Variants in CNTN4 observed in about 807,000 individuals in gnomAD.
The protein encoded by CNTN4 is contactin 4.
In CNTN4, 77 loss-of-function variants were observed where a neutral mutation model predicts 122.5. The ratio of observed to expected loss-of-function variants is 0.63; its 90% CI spans 0.52 to 0.76. The LOEUF (loss-of-function observed/expected upper bound fraction) is 0.76, where lower values mean the gene tolerates loss of function less well. Among genes scored for constraint, CNTN4 ranks in the 30% least tolerant of loss-of-function variants. The pLI is 0.00. For missense variants in CNTN4, 1,256 were observed against 1,259.1 expected (o/e 1.00, Z 0.04); for synonymous variants, 512 against 447.0 (o/e 1.15, Z -1.83).
At chr3:2,224,836 G>A (rs1178484) in intron 2 of CNTN4, among the ~76,000 whole-genome samples, 25,113 of 152,098 alleles carry the variant, frequency 0.17, 2,715 homozygotes, top group African/African-American at 0.31. Context: ...ATACTCAAGA[G>A]CCATAAAATG....
chr3:2,190,120 G>A (rs764336970), intron 2 of CNTN4, among the ~76,000 whole-genome samples: 13 of 152,162 alleles, frequency 8.5e-5, no homozygotes, highest in Admixed American at 6.5e-5. Flanking sequence ...ATGTGTGAGC[G>A]TTGGCAAGAA....
chr3:2,548,743 T>C (rs1459229222), intron 3 of CNTN4, among the ~76,000 whole-genome samples: 1 of 152,178 alleles, frequency 6.6e-6, no homozygotes, highest in Non-Finnish European at 1.5e-5. Context: ...GGGGATAGCA[T>C]TGAGTCTATA....
At chr3:2,256,006 G>C (rs536714146) in intron 2 of CNTN4, among the ~76,000 whole-genome samples, 14 of 152,176 alleles carry the variant, frequency 9.2e-5, no homozygotes, top group African/African-American at 3.1e-4. Context: ...CCAGGAGCTG[G>C]TTTTTTGAAA....
intron 13 of CNTN4, among the ~76,000 whole-genome samples, chr3:2,953,766 A>G (rs1258493283): frequency 6.6e-6 from 1 of 152,200 alleles, no homozygotes; most frequent in East Asian, 1.9e-4. Context: ...AGGAGAGGAA[A>G]GCAGTGAAGC....
At chr3:2,909,207 A>C (rs2094272057) in intron 12 of CNTN4, among the ~76,000 whole-genome samples, 1 of 152,188 alleles carries the variant, frequency 6.6e-6, no homozygotes, top group East Asian at 1.9e-4. Context: ...ACCCAACTGC[A>C]GTCATCCAGG....
intron 13 of CNTN4, among the ~76,000 whole-genome samples, chr3:2,944,748 A>G (rs1264240996): frequency 2.0e-5 from 3 of 152,172 alleles, no homozygotes; most frequent in South Asian, 2.1e-4. Flanking sequence ...ACTGCCTTAG[A>G]TTGCGTGTCC....
chr3:2,852,309 A>G (rs945718161), intron 7 of CNTN4, among the ~76,000 whole-genome samples: 3 of 152,196 alleles, frequency 2.0e-5, no homozygotes, highest in Non-Finnish European at 4.4e-5. Context: ...AGTAACATAA[A>G]TGGAAATAAC....
chr3:2,475,403 C>T (rs1025903128), intron 3 of CNTN4, among the ~76,000 whole-genome samples: 2 of 152,176 alleles, frequency 1.3e-5, no homozygotes, highest in Non-Finnish European at 2.9e-5. Flanking sequence ...ACATTAGTGT[C>T]ACATCACTCT....
At chr3:2,396,104 A>G (rs534135251) in intron 3 of CNTN4, among the ~76,000 whole-genome samples, 8 of 151,704 alleles carry the variant, frequency 5.3e-5, no homozygotes, top group African/African-American at 1.2e-4. Flanking sequence ...GGCTCACTGC[A>G]GCCTTGACTT....
intron 6 of CNTN4, among the ~76,000 whole-genome samples, chr3:2,797,064 G>A (rs540144683): frequency 9.7e-4 from 147 of 152,266 alleles, no homozygotes; most frequent in Non-Finnish European, 1.9e-3. Flanking sequence ...GCAGGGGCAT[G>A]ATCAAAGCTC....
At chr3:2,443,676 C>T (rs2048517561) in intron 3 of CNTN4, among the ~76,000 whole-genome samples, 1 of 152,118 alleles carries the variant, frequency 6.6e-6, no homozygotes, top group Admixed American at 6.6e-5. Flanking sequence ...TCGACTTACC[C>T]AACACACTGA....
chr3:2,429,016 G>A (rs975717826), intron 3 of CNTN4, among the ~76,000 whole-genome samples: 12 of 152,172 alleles, frequency 7.9e-5, no homozygotes, highest in South Asian at 2.1e-4. Flanking sequence ...TGATGGGTTC[G>A]GACATCCTTC....
At chr3:2,569,714 C>T (rs1013034327) in intron 3 of CNTN4, among the ~76,000 whole-genome samples, 2 of 151,884 alleles carry the variant, frequency 1.3e-5, no homozygotes, top group African/African-American at 4.8e-5. Context: ...ATAACAAGTT[C>T]CTGCCAGAGT....
chr3:2,284,947 G>T (rs2041849358), intron 2 of CNTN4, among the ~76,000 whole-genome samples: 1 of 151,740 alleles, frequency 6.6e-6, no homozygotes, highest in Non-Finnish European at 1.5e-5. Flanking sequence ...TTCATCAGTT[G>T]TTATCTTAGG....
At chr3:2,807,089 C>G (rs547355409) in intron 6 of CNTN4, among the ~76,000 whole-genome samples, 1 of 152,218 alleles carries the variant, frequency 6.6e-6, no homozygotes, top group African/African-American at 2.4e-5. Context: ...TCCCCAGTGT[C>G]TAAAACAGTG....
intron 4 of CNTN4, among the ~76,000 whole-genome samples, chr3:2,719,300 T>A (rs1369755743): frequency 7.7e-6 from 1 of 130,596 alleles, no homozygotes; most frequent in African/African-American, 3.7e-5. Flanking sequence ...AGACTTCACT[T>A]TTTTTTTTTT....
chr3:2,721,525 A>G lies in CNTN4; in HGVS notation c.56-14690A>G, dbSNP rs2087851392. Among the ~76,000 whole-genome samples, 4 of 152,226 alleles carry G rather than the reference A, an allele frequency of 2.6e-5. No individual in the cohort carries two copies. In the South Asian group the frequency reaches 8.3e-4, roughly 32 times the overall value. ...CCACTGCTGCTATTTCATGTCCGGC[A>G]TTGCTCTTCCTGCATATGGTACTGA... On this transcript the variant is annotated intron_variant, in intron 4 of 24. Transcript: ENST00000418658.
intron 3 of CNTN4, among the ~76,000 whole-genome samples, chr3:2,456,324 G>T (rs529971063): frequency 6.6e-6 from 1 of 151,966 alleles, no homozygotes; most frequent in Non-Finnish European, 1.5e-5. Context: ...TATTATGAAT[G>T]TTATCTCAAA....
At chr3:2,487,963 A>G (rs1267016001) in intron 3 of CNTN4, among the ~76,000 whole-genome samples, 1 of 152,248 alleles carries the variant, frequency 6.6e-6, no homozygotes, top group African/African-American at 2.4e-5. Flanking sequence ...TAAAGAGCCA[A>G]CTTAGCAAAC....
Sources: allele counts gnomAD v4.1 joint callset (sites outside exome capture counted in the v4.1 genomes callset), GRCh38; gene constraint gnomAD v4.1.1; transcripts MANE v1.5; gene names NCBI Gene and HGNC (gene_info 2026-07-23, HGNC 2026-07-21).